PRR14L: variants seen among roughly 807,000 people sequenced by gnomAD.
The protein encoded by PRR14L is proline rich 14 like.
In PRR14L, 80 loss-of-function variants were observed where a neutral mutation model predicts 155.0. That is an observed-to-expected ratio of 0.52 (90% CI 0.43 to 0.62). The LOEUF is 0.62. Among genes scored for constraint, PRR14L ranks in the 20% least tolerant of loss-of-function variants. The pLI is 0.00. For synonymous variants in PRR14L, 883 were observed against 916.0 expected, an observed-to-expected ratio of 0.96 and a Z score of 0.65; for missense variants, 2,469 against 2,548.0, an observed-to-expected ratio of 0.97 and a Z score of 0.67.
chr22:31,729,846 CACA>C (rs1358938726), intron 2 of PRR14L, among the ~76,000 whole-genome samples: 1 of 152,056 alleles, frequency 6.6e-6, no homozygotes, highest in African/African-American at 2.4e-5. Flanking sequence ...GTGATGGTTA[CACA>C]ACACTACGAA....
At chr22:31,730,360 C>T (rs1402468506) in intron 2 of PRR14L, among the ~76,000 whole-genome samples, 1 of 152,146 alleles carries the variant, frequency 6.6e-6, no homozygotes, top group Non-Finnish European at 1.5e-5. Flanking sequence ...ACTGTTTGAA[C>T]CGGGACCCGG....
chr22:31,745,524 T>C (rs1027473699), intron 1 of PRR14L, among the ~76,000 whole-genome samples: 3 of 152,044 alleles, frequency 2.0e-5, no homozygotes, highest in African/African-American at 7.2e-5. Context: ...CTGAATGCAA[T>C]GGAGCAATCT....
At chr22:31,686,881 T>C (rs1433329911) in intron 8 of PRR14L, among the ~76,000 whole-genome samples, 1 of 152,210 alleles carries the variant, frequency 6.6e-6, no homozygotes, top group African/African-American at 2.4e-5. Context: ...ACAGTGGGCA[T>C]TTAATAAATG....
At position 31,685,818 on chromosome 22, in the gene PRR14L, C is replaced by G; in HGVS notation, c.6180-15G>C. The G allele has an allele frequency of 2.6e-6, 4 of 1,549,120 alleles. No homozygotes were observed. The highest frequency in any genetic ancestry group is 3.5e-6 in the Non-Finnish European group (4 of 1,145,166). ...TCTCTAAACACCTAAGGATGAAGCA[C>G]GAAACAATCACCAACAGACTGACTC... On this transcript the variant is annotated splice_polypyrimidine_tract_variant and intron_variant, in intron 8 of 8. Transcript: ENST00000327423.
Position 31,714,640 on chromosome 22 carries a change from C to T in PRR14L, c.3199G>A (p.Gly1067Ser), listed in dbSNP as rs945192417. The change falls in exon 4 of 9, where the codon GGT becomes AGT. Residue 1067 changes from glycine to serine, a missense_variant. Gly to Ser is a moderately conservative substitution (Grantham distance 56, BLOSUM62 0). Coordinates refer to ENST00000327423, the MANE Select transcript of PRR14L (RefSeq NM_173566.3). ...YTDCSNKLAE[G>S]VLDVKASNLL... ...TTAGATGCCTTCACGTCCAGCACAC[C>T]TTCTGCAAGCTTATTACTACAGTCC... The T allele has an allele frequency of 1.9e-6, 3 of 1,552,002 alleles. No individual in the cohort carries two copies. The highest frequency in any genetic ancestry group is 1.4e-5 in the African/African-American group (1 of 73,050).
chr22:31,711,934 T>C (rs2074625409), intron 4 of PRR14L, 149 bp downstream of exon 4: 2 of 723,210 alleles, frequency 2.8e-6, no homozygotes, highest in East Asian at 5.5e-5. Flanking sequence ...CTATTGGATT[T>C]TTCTCAGCAG....
chr22:31,737,963 C>T (rs1381717354), intron 2 of PRR14L, among the ~76,000 whole-genome samples: 1 of 151,660 alleles, frequency 6.6e-6, no homozygotes, highest in Non-Finnish European at 1.5e-5. Context: ...TGCAGTGAGC[C>T]AAGGTCGTGC....
intron 7 of PRR14L, among the ~76,000 whole-genome samples, 174 bp from the exon 8 acceptor site, chr22:31,688,401 T>G (rs1235875927): frequency 6.6e-6 from 1 of 151,712 alleles, no homozygotes; most frequent in Non-Finnish European, 1.5e-5. Context: ...ATTACAGGTG[T>G]GTGCCACCAT....
rs2074634660 is a variant in PRR14L at position 31,713,347 on chromosome 22, G to C, written c.4492C>G (p.Pro1498Ala). The change falls in exon 4 of 9, where the codon CCC (proline) becomes GCC (alanine). Residue 1498 changes from proline to alanine, a missense_variant. By Grantham distance (27) the Pro-to-Ala change is conservative (BLOSUM62 -1). Around this residue, in one of 2 missense-constraint regions of PRR14L, gnomAD observed 2,363 missense variants for 2,371.6 expected, o/e 1.00. Coordinates refer to ENST00000327423, the MANE Select transcript of PRR14L (RefSeq NM_173566.3). ...ATTTGATCACACCCAGCAGAGGAGG[G>C]GTCTTGTGCTTTCCGAGGGGCACCA... ...LLGAPRKAQD[P>A]SSAGCDQIHG... 1 of 1,552,146 alleles carries C rather than the reference G, an allele frequency of 6.4e-7. No individual in the cohort carries two copies. The highest frequency in any genetic ancestry group is 8.7e-7 in the Non-Finnish European group (1 of 1,147,072).
At chr22:31,746,765 T>C (rs986323314) in intron 1 of PRR14L, among the ~76,000 whole-genome samples, 1 of 152,000 alleles carries the variant, frequency 6.6e-6, no homozygotes, top group Non-Finnish European at 1.5e-5. Context: ...GTTCTTTCTT[T>C]GCAAACGCAC....
chr22:31,686,522 G>C (rs993826682), intron 8 of PRR14L, among the ~76,000 whole-genome samples: 3 of 151,952 alleles, frequency 2.0e-5, no homozygotes, highest in Non-Finnish European at 4.4e-5. Flanking sequence ...GACATCCTGG[G>C]CTCAAGCTAT....
chr22:31,732,018 G>C (rs1050907269), intron 2 of PRR14L, among the ~76,000 whole-genome samples: 6 of 152,180 alleles, frequency 3.9e-5, no homozygotes, highest in Non-Finnish European at 5.9e-5. Flanking sequence ...TGTACTTACA[G>C]AAGTGCCAGT....
At chr22:31,740,539 T>A (rs1010549731) in intron 1 of PRR14L, among the ~76,000 whole-genome samples, 2 of 152,064 alleles carry the variant, frequency 1.3e-5, no homozygotes, top group Admixed American at 6.6e-5. Context: ...ATTTTTTTTT[T>A]TGGTGGAGAC....
chr22:31,725,247 A>T (rs956715389), intron 3 of PRR14L, among the ~76,000 whole-genome samples: 4 of 152,022 alleles, frequency 2.6e-5, no homozygotes, highest in Admixed American at 6.6e-5. Flanking sequence ...ACAAAAAAAA[A>T]TTTACAAAAT....
At chr22:31,737,342 G>A (rs976444790) in intron 2 of PRR14L, among the ~76,000 whole-genome samples, 4 of 151,982 alleles carry the variant, frequency 2.6e-5, no homozygotes, top group Non-Finnish European at 5.9e-5. Flanking sequence ...TTAGCCGGGC[G>A]TAATGGTAGG....
intron 5 of PRR14L, 64 bp from the exon 6 acceptor site, chr22:31,703,785 T>A: frequency 9.7e-7 from 1 of 1,034,434 alleles, no homozygotes; most frequent in East Asian, 3.0e-5. Flanking sequence ...CACATTCAAC[T>A]TCTTCTTCTT....
intron 8 of PRR14L, among the ~76,000 whole-genome samples, 177 bp from the exon 9 acceptor site, chr22:31,685,980 G>T (rs1053937907): frequency 6.6e-6 from 1 of 152,070 alleles, no homozygotes; most frequent in Non-Finnish European, 1.5e-5. Flanking sequence ...TGTTGCCCAG[G>T]CTGGAGCGCA....
At position 31,714,742 on chromosome 22, in the gene PRR14L, A is replaced by G; in HGVS notation, c.3097T>C (p.Cys1033Arg). 1 of 1,552,322 alleles carries G rather than the reference A, an allele frequency of 6.4e-7. No homozygotes were observed. The highest frequency in any genetic ancestry group is 2.4e-5 in the East Asian group (1 of 40,926). Residue 1033 changes from cysteine to arginine, a missense_variant, in exon 4 of 9, where the codon TGC (cysteine) becomes CGC (arginine). Coordinates refer to ENST00000327423, the MANE Select transcript of PRR14L (RefSeq NM_173566.3). ...NSLPCGSPKKCNLKGAFVKMS... is the reference protein window; with the variant it reads ...NSLPCGSPKKRNLKGAFVKMS... ...TTGACAAAGGCTCCTTTCAAATTGCATTTCTTTGGACTACCACAAGGTAGT... is the reference window on the plus strand; with the variant it reads ...TTGACAAAGGCTCCTTTCAAATTGCGTTTCTTTGGACTACCACAAGGTAGT...
At chr22:31,693,460 T>C (rs2074520994) in intron 7 of PRR14L, among the ~76,000 whole-genome samples, 1 of 152,244 alleles carries the variant, frequency 6.6e-6, no homozygotes, top group South Asian at 2.1e-4. Context: ...CCAGACAGTT[T>C]ATTCATTCAG....
Sources: allele counts gnomAD v4.1 joint callset (sites outside exome capture counted in the v4.1 genomes callset), GRCh38; gene constraint gnomAD v4.1.1; regional missense constraint gnomAD v4.1.1; transcripts MANE v1.5; gene names NCBI Gene and HGNC (gene_info 2026-07-23, HGNC 2026-07-21).